Variants in NLRP11 observed in about 807,000 individuals in gnomAD.
The protein encoded by NLRP11 is NLR family pyrin domain containing 11.
NLRP11 carries 53 observed loss-of-function variants against 79.3 expected under a neutral mutation model. The ratio of observed to expected loss-of-function variants is 0.67; its 90% CI spans 0.54 to 0.84. The LOEUF (loss-of-function observed/expected upper bound fraction) is 0.84, where lower values mean the gene tolerates loss of function less well. Among genes scored for constraint, NLRP11 ranks in the 40% least tolerant of loss-of-function variants. The pLI is 0.00. For missense variants in NLRP11, 1,264 were observed against 1,255.0 expected (o/e 1.01, Z -0.11); for synonymous variants, 518 against 462.6 (o/e 1.12, Z -1.54).
upstream of NLRP11, among the ~76,000 whole-genome samples, chr19:55,834,189 A>T (rs1432530895): frequency 1.3e-5 from 2 of 152,228 alleles, no homozygotes; most frequent in Non-Finnish European, 2.9e-5. Context: ...GTTCTTATAT[A>T]ACAAAAGCTA....
intron 5 of NLRP11, among the ~76,000 whole-genome samples, chr19:55,797,021 C>A (rs899935210): frequency 6.8e-6 from 1 of 146,058 alleles, no homozygotes; most frequent in African/African-American, 2.8e-5. Flanking sequence ...TCTGTACCAT[C>A]CTCCCTGATC....
intron 7 of NLRP11, 61 bp from the exon 8 acceptor site, chr19:55,789,460 G>T: frequency 6.8e-7 from 1 of 1,479,552 alleles, no homozygotes; most frequent in Non-Finnish European, 9.3e-7. Flanking sequence ...TTATTTCACA[G>T]AGTGTTAAGC....
chr19:55,807,416 T>A (rs898061452), intron 4 of NLRP11, among the ~76,000 whole-genome samples: 11 of 152,180 alleles, frequency 7.2e-5, no homozygotes, highest in African/African-American at 2.7e-4. Flanking sequence ...GCTTTCTTCC[T>A]TAGGATAAAC....
chr19:55,811,532 C>CG lies in NLRP11; in HGVS notation c.272-1195_272-1194insC, dbSNP rs1431022757. On this transcript the variant is annotated intron_variant, in intron 2 of 9. Transcript: ENST00000589093. ...CTGGAATGTGGCACACTGGCTCCCC[C>CG]CCAGTGGAGATGAGCCTGATGGATC... Among the ~76,000 whole-genome samples the CG allele has an allele frequency of 3.3e-5, 5 of 152,242 alleles. No individual in the cohort carries two copies. The East Asian group carries it at 9.7e-4, about 29-fold the overall frequency.
At chr19:55,792,392 G>A (rs1376439386) in exon 7 of NLRP11, 1 of 1,614,110 alleles carries the variant, frequency 6.2e-7, no homozygotes, top group Non-Finnish European at 8.5e-7. Flanking sequence ...CACAGGTCTA[G>A]TTGTCTTAGA....
chr19:55,808,979 G>A, exon 3 of NLRP11: 1 of 1,614,022 alleles, frequency 6.2e-7, no homozygotes, highest in African/African-American at 1.3e-5. Flanking sequence ...GTAAAACAAA[G>A]GCATATGGTG....
intron 2 of NLRP11, among the ~76,000 whole-genome samples, chr19:55,814,882 G>A (rs137932415): frequency 5.3e-5 from 8 of 152,278 alleles, no homozygotes; most frequent in Non-Finnish European, 1.0e-4. Flanking sequence ...ACTGGCACAC[G>A]GCCCAGGAAG....
At chr19:55,787,475 T>A (rs1189474528) in intron 9 of NLRP11, among the ~76,000 whole-genome samples, 1 of 152,184 alleles carries the variant, frequency 6.6e-6, no homozygotes, top group Admixed American at 6.5e-5. Flanking sequence ...TAGCTGGGAT[T>A]ACAGGTATGC....
chr19:55,814,752 G>C (rs913848030), intron 2 of NLRP11, among the ~76,000 whole-genome samples: 2 of 152,212 alleles, frequency 1.3e-5, no homozygotes, highest in Non-Finnish European at 2.9e-5. Flanking sequence ...CTCATGGAGA[G>C]AGAACAGAGC....
chr19:55,814,309 A>C (rs747933432), intron 2 of NLRP11, among the ~76,000 whole-genome samples: 7 of 152,170 alleles, frequency 4.6e-5, no homozygotes, highest in African/African-American at 1.7e-4. Flanking sequence ...GTGATTCTAC[A>C]TCATGGCGAG....
intron 6 of NLRP11, among the ~76,000 whole-genome samples, chr19:55,793,301 G>A (rs569543816): frequency 6.6e-6 from 1 of 152,158 alleles, no homozygotes; most frequent in African/African-American, 2.4e-5. Flanking sequence ...GGGCACGGTG[G>A]TTCACACCTG....
upstream of NLRP11, chr19:55,836,394 C>T (rs1328521075): frequency 2.6e-5 from 4 of 152,100 alleles, no homozygotes; most frequent in Middle Eastern, 3.2e-3. Context: ...CTAGAACAGC[C>T]CCTCAAGGGG....
chr19:55,824,398 A>G (rs1371550431), intron 1 of NLRP11, among the ~76,000 whole-genome samples: 22 of 146,522 alleles, frequency 1.5e-4, no homozygotes, highest in African/African-American at 5.7e-4. Flanking sequence ...GACAGGATCA[A>G]ATTCACACAT....
At chr19:55,785,492 GTCACACACACACACACACACACAC>G (rs1364802951) in exon 10 of NLRP11, 4 of 652,754 alleles carry the variant, frequency 6.1e-6, no homozygotes, top group South Asian at 2.1e-5. Flanking sequence ...CTGGATCAAG[GTCACACACACACACACACACACAC>G]ACACACACAC....
chr19:55,786,631 C>A (rs978148522), intron 9 of NLRP11, among the ~76,000 whole-genome samples: 26 of 152,150 alleles, frequency 1.7e-4, no homozygotes, highest in African/African-American at 5.8e-4. Flanking sequence ...TTATTTTGTG[C>A]CCTCTCTGCA....
rs538939076 is a variant in NLRP11 at position 55,810,241 on chromosome 19, G to A, written c.369C>T (p.Asp123=). 1.6e-5 allele frequency: 26 copies of A among 1,613,922 alleles called. No homozygotes were observed. The African/African-American group carries it at 2.0e-4, about 12-fold the overall frequency. Reference sequence around the variant, plus strand: ...GTATGTAGAACACATCTGACGAAACGTCACGAAAAAATTTATAATGAAATT... The same window carrying A: ...GTATGTAGAACACATCTGACGAAACATCACGAAAAAATTTATAATGAAATT... Residue 123 remains aspartate, a synonymous_variant, in exon 3 of 10, where the codon GAC becomes GAT. Coordinates refer to ENST00000589093, the Ensembl canonical transcript of NLRP11.
At chr19:55,835,972 A>C (rs1983228048), upstream of NLRP11, among the ~76,000 whole-genome samples, 1 of 152,228 alleles carries the variant, frequency 6.6e-6, no homozygotes, top group Non-Finnish European at 1.5e-5. Context: ...GAAAATACAA[A>C]AATTAGCCGG....
chr19:55,792,544 A>G, intron 6 of NLRP11, 73 bp from the exon 7 acceptor site: 1 of 1,242,612 alleles, frequency 8.0e-7, no homozygotes, highest in Non-Finnish European at 1.2e-6. Flanking sequence ...CACCCACCCC[A>G]CGCCCACGGG....
At chr19:55,836,016 C>G (rs931022771), upstream of NLRP11, among the ~76,000 whole-genome samples, 1 of 152,226 alleles carries the variant, frequency 6.6e-6, no homozygotes, top group Non-Finnish European at 1.5e-5. Flanking sequence ...CCCAGCTACT[C>G]AGCAGGCTGA....
Sources: allele counts gnomAD v4.1 joint callset (sites outside exome capture counted in the v4.1 genomes callset), GRCh38; gene constraint gnomAD v4.1.1; transcripts MANE v1.5; gene names NCBI Gene and HGNC (gene_info 2026-07-23, HGNC 2026-07-21).